Variants in TSBP1 observed in about 807,000 individuals in gnomAD.
TSBP1 encodes the protein testis expressed basic protein 1, also known as testis-expressed basic protein 1.
A neutral mutation model predicts 68.8 loss-of-function variants in TSBP1; 56 were observed. The ratio of observed to expected loss-of-function variants is 0.81; its 90% confidence interval spans 0.66 to 1.02. TSBP1 has a LOEUF of 1.02. Ranked by LOEUF, TSBP1 falls within the 50% of genes least tolerant of loss-of-function variation. The probability of loss-of-function intolerance (pLI) is 0.00; values close to 1 mark genes in which losing one functional copy is unlikely to be tolerated. For synonymous variants in TSBP1, 171 were observed against 208.7 expected (o/e 0.82, Z 1.56); for missense variants, 502 against 641.2 (o/e 0.78, Z 2.34).
chr6:32,343,751 A>G lies in TSBP1; in HGVS notation c.350-4113T>C, dbSNP rs1246756854. The stretch of plus-strand genomic sequence containing the variant: ...CTTTAAGTTCAGCACGTTTTCCTTC[A>G]TATTCTTTACAATTTTCTCTTCTTT... On this transcript the variant is annotated intron_variant, in intron 9 of 22. Coordinates refer to ENST00000612031, the Ensembl canonical transcript of TSBP1. The surrounding 1 kb of genome is among the most constrained non-coding windows in gnomAD (Gnocchi z 4.3). Among the ~76,000 whole-genome samples, 1 of 152,166 alleles carries G rather than the reference A, an allele frequency of 6.6e-6. No individual in the cohort carries two copies. Among genetic ancestry groups the G allele is most frequent in the Non-Finnish European group, 1.5e-5 (1 of 68,020 alleles).
At chr6:32,318,830 A>T (rs1006552818) in intron 18 of TSBP1, among the ~76,000 whole-genome samples, 3 of 152,178 alleles carry the variant, frequency 2.0e-5, no homozygotes, top group African/African-American at 7.2e-5. Flanking sequence ...TCTAAAATTC[A>T]TTGTGGTGAT....
intron 16 of TSBP1, among the ~76,000 whole-genome samples, chr6:32,329,681 T>C (rs1213571490): frequency 1.3e-5 from 2 of 152,144 alleles, no homozygotes; most frequent in African/African-American, 2.4e-5. Context: ...ATTCATGACT[T>C]TATCCTCAGT....
At chr6:32,371,546 A>T in intron 1 of TSBP1, 148 bp downstream of exon 1, 1 of 681,162 alleles carries the variant, frequency 1.5e-6, no homozygotes, top group East Asian at 2.7e-5. Context: ...TTCCAGAGGA[A>T]TCAATAAGAG....
chr6:32,316,426 A>G lies in TSBP1; in HGVS notation c.560-634T>C, dbSNP rs781545026. 6.4e-7 allele frequency: 1 copy of G among 1,552,156 alleles called. No homozygotes were observed. The highest frequency in any genetic ancestry group is 1.2e-5 in the South Asian group (1 of 84,146). On this transcript the variant is annotated intron_variant, in intron 18 of 22. Transcript: ENST00000612031. This position sits in a 1 kb window ranked among gnomAD's most constrained non-coding sequence, Gnocchi z 4.5. ...TGCTGCCAGCTGACCTAAAAAAATT[A>G]GATATCAGTGAAGATTTGTTTGAAA... is the stretch of plus-strand genomic sequence containing the variant.
At position 32,333,856 on chromosome 6, in the gene TSBP1, C is replaced by G. The variant is rs138798019; in HGVS notation, c.472+1581G>C. 7.1e-3 allele frequency: 1,134 copies of G among 159,726 alleles called. 22 individuals carry two copies. Among genetic ancestry groups the G allele is most frequent in the Middle Eastern group, 0.035 (54 of 1,524 alleles). The allele number at this position is 159,726 out of a possible 1,614,324, so 9.9% of individuals were successfully genotyped here. ...CACATTTTGATCAATAATCCTCGAA[C>G]TTTTAACTCTGAATTTTTTTTTTCC... On this transcript the variant is annotated intron_variant, in intron 14 of 22. Coordinates refer to ENST00000612031, the Ensembl canonical transcript of TSBP1. This position sits in a 1 kb window ranked among gnomAD's most constrained non-coding sequence, Gnocchi z 4.2.
rs1766712451 is a variant in TSBP1, at chr6:32,314,190, T to C, written c.580+1582A>G. On this transcript the variant is annotated intron_variant, in intron 19 of 22. Coordinates refer to ENST00000612031, the Ensembl canonical transcript of TSBP1. This position sits in a 1 kb window ranked among gnomAD's most constrained non-coding sequence, Gnocchi z 4.2. The stretch of plus-strand genomic sequence containing the variant: ...CTTAGGTATGACTGTGCATTTTTCA[T>C]TTAAAAATATTTCCAGCCAAGACTT... 6.6e-6 allele frequency among the ~76,000 whole-genome samples: 1 copy of C among 152,212 alleles called. No homozygotes were observed. The highest frequency in any genetic ancestry group is 6.5e-5 in the Admixed American group (1 of 15,288).
In TSBP1 at chr6:32,358,695, G is replaced by A. The variant is rs184045892; in HGVS notation, c.218-3026C>T. 2.1e-3 allele frequency among the ~76,000 whole-genome samples: 291 copies of A among 135,516 alleles called. 2 individuals carry two copies. Among genetic ancestry groups the A allele is most frequent in the African/African-American group, 7.0e-3 (278 of 39,624 alleles). 88.9% of individuals were successfully genotyped at this position (135,516 alleles called of 152,430 possible). On this transcript the variant is annotated intron_variant, in intron 6 of 22. Coordinates refer to ENST00000612031, the Ensembl canonical transcript of TSBP1. Reference sequence around the variant, plus strand: ...TTTTTTGTCCTTGCGATAGTTTGCCGAGAATGATGGTTTCCAGCTTCATCC... The same window carrying A: ...TTTTTTGTCCTTGCGATAGTTTGCCAAGAATGATGGTTTCCAGCTTCATCC...
rs1412495333 is a variant in TSBP1, at chr6:32,335,911, C to T, written c.451+1G>A. The T allele has an allele frequency of 1.9e-6, 3 of 1,608,410 alleles. No individual in the cohort carries two copies. Among genetic ancestry groups the T allele is most frequent in the Non-Finnish European group, 2.5e-6 (3 of 1,176,728 alleles). On this transcript the variant is annotated splice_donor_variant, in intron 13 of 22. Coordinates refer to ENST00000612031, the Ensembl canonical transcript of TSBP1. LOFTEE classifies it high-confidence loss of function. The surrounding 1 kb of genome is among the most constrained non-coding windows in gnomAD (Gnocchi z 5.5). ...TGTGGAGAATCAGAGAGCAAACTTACTGATAGGTCCTGTAGCTCCGGCTGT... is the reference window on the plus strand; with the variant it reads ...TGTGGAGAATCAGAGAGCAAACTTATTGATAGGTCCTGTAGCTCCGGCTGT...
In TSBP1 at chr6:32,337,671, C is replaced by CACACAT. The variant is rs1401320434; in HGVS notation, c.410-1042_410-1037dup. 2.0e-5 allele frequency among the ~76,000 whole-genome samples: 3 copies of CACACAT among 152,228 alleles called. No homozygotes were observed. The highest frequency in any genetic ancestry group is 4.2e-4 in the South Asian group (2 of 4,814). On this transcript the variant is annotated intron_variant, in intron 11 of 22. Transcript: ENST00000612031. The surrounding 1 kb of genome is among the most constrained non-coding windows in gnomAD (Gnocchi z 5.5). ...CAGTCTTCTTCTTTATGACCACACA[C>CACACAT]ACACATACACATACACACACACACA... is the stretch of plus-strand genomic sequence containing the variant.
Position 32,325,229 on chromosome 6 carries a change from C to T in TSBP1, c.515-1615G>A. The stretch of plus-strand genomic sequence containing the variant: ...CTTCTCCTGGCCGTCTTATCTAAGT[C>T]AGAGTCTCCTAAAGAGCCAGAACAA... On this transcript the variant is annotated intron_variant, in intron 16 of 22. Transcript: ENST00000612031. This position sits in a 1 kb window ranked among gnomAD's most constrained non-coding sequence, Gnocchi z 4.4. 1.3e-6 allele frequency: 1 copy of T among 768,606 alleles called. No individual in the cohort carries two copies. The highest frequency in any genetic ancestry group is 2.1e-6 in the Non-Finnish European group (1 of 472,118). 47.6% of individuals were successfully genotyped at this position (768,606 alleles called of 1,614,324 possible). A position where few individuals can be genotyped will look rare whatever the true frequency, so the allele number is the denominator to read the frequency against.
At position 32,338,897 on chromosome 6, in the gene TSBP1, C is replaced by G; in HGVS notation, c.409+82G>C. On this transcript the variant is annotated intron_variant, in intron 11 of 22. Coordinates refer to ENST00000612031, the Ensembl canonical transcript of TSBP1. This position sits in a 1 kb window ranked among gnomAD's most constrained non-coding sequence, Gnocchi z 5.5. ...CAATTTGTGAAAGAAATAAAAAAATCTAGGAATATGAGTGTCTTACATATT... is the reference window on the plus strand; with the variant it reads ...CAATTTGTGAAAGAAATAAAAAAATGTAGGAATATGAGTGTCTTACATATT... 1 of 1,073,840 alleles carries G rather than the reference C, an allele frequency of 9.3e-7. No individual in the cohort carries two copies. The highest frequency in any genetic ancestry group is 1.4e-6 in the Non-Finnish European group (1 of 691,930). 66.5% of individuals were successfully genotyped at this position (1,073,840 alleles called of 1,614,324 possible). A position where few individuals can be genotyped will look rare whatever the true frequency, so the allele number is the denominator to read the frequency against.
chr6:32,342,888 T>C (rs1047992662), intron 9 of TSBP1, among the ~76,000 whole-genome samples: 6 of 152,202 alleles, frequency 3.9e-5, no homozygotes, highest in Non-Finnish European at 8.8e-5. Flanking sequence ...AAACCTGTTC[T>C]ATACCTTAAG....
chr6:32,334,815 C>T (rs1320774944), intron 14 of TSBP1, among the ~76,000 whole-genome samples: 2 of 152,082 alleles, frequency 1.3e-5, no homozygotes, highest in African/African-American at 4.8e-5. Flanking sequence ...GGGCGGATCA[C>T]GAGGTCAGGA....
At chr6:32,355,544 G>A (rs1772204162) in intron 7 of TSBP1, 105 bp downstream of exon 7, 1 of 1,425,086 alleles carries the variant, frequency 7.0e-7, no homozygotes, top group Non-Finnish European at 9.6e-7. Context: ...GTATTCATAT[G>A]ACTTGACATA....
intron 6 of TSBP1, among the ~76,000 whole-genome samples, chr6:32,360,184 A>C (rs1311541477): frequency 1.3e-5 from 2 of 152,102 alleles, no homozygotes; most frequent in Non-Finnish European, 2.9e-5. Context: ...ACTTCTGCCC[A>C]TTTCTTCCAC....
At chr6:32,363,652 C>T (rs6912095) in intron 6 of TSBP1, among the ~76,000 whole-genome samples, 2 of 149,610 alleles carry the variant, frequency 1.3e-5, no homozygotes, top group Non-Finnish European at 1.5e-5. Context: ...TATTATTCTC[C>T]CTACTTTTTA....
rs9279571 is a variant in TSBP1 at position 32,308,957 on chromosome 6, CTTTT to C, written c.581-6332_581-6329del. On this transcript the variant is annotated intron_variant, in intron 19 of 22. Coordinates refer to ENST00000612031, the Ensembl canonical transcript of TSBP1. ...TCTCCTTCTCCTTCTTTTCTTCCTG[CTTTT>C]TTTTTTTTTTTTTTGACAGGGTCTT... Among the ~76,000 whole-genome samples the C allele has an allele frequency of 7.2e-3, 884 of 122,040 alleles. 10 individuals carry two copies. The highest frequency in any genetic ancestry group is 0.022 in the East Asian group (96 of 4,274). 80.1% of individuals were successfully genotyped at this position (122,040 alleles called of 152,430 possible).
chr6:32,324,461 C>A, intron 16 of TSBP1: 1 of 755,796 alleles, frequency 1.3e-6, no homozygotes, highest in Non-Finnish European at 2.3e-6. Flanking sequence ...TGAAATCCTG[C>A]AGGGGATTGT....
intron 22 of TSBP1, among the ~76,000 whole-genome samples, chr6:32,297,135 C>T (rs1764801313): frequency 6.6e-6 from 1 of 152,112 alleles, no homozygotes; most frequent in African/African-American, 2.4e-5. Flanking sequence ...CCACCACATT[C>T]TAAGTTCTTT....
Sources: allele counts gnomAD v4.1 joint callset (sites outside exome capture counted in the v4.1 genomes callset), GRCh38; gene constraint gnomAD v4.1.1; non-coding constraint Gnocchi (gnomAD v3.1); transcripts MANE v1.5; gene names NCBI Gene and HGNC (gene_info 2026-07-23, HGNC 2026-07-21).